Variants in DNAH6 observed in about 807,000 individuals in gnomAD.
The protein encoded by DNAH6 is dynein axonemal heavy chain 6.
A neutral mutation model predicts 491.4 loss-of-function variants in DNAH6; 340 were observed. The ratio of observed to expected loss-of-function variants is 0.69; its 90% CI spans 0.63 to 0.76. The LOEUF is 0.76. Among genes scored for constraint, DNAH6 ranks in the 30% least tolerant of loss-of-function variants. The probability of loss-of-function intolerance (pLI) is 0.00; values close to 1 mark genes in which losing one functional copy is unlikely to be tolerated. For missense variants in DNAH6, 4,443 were observed against 4,972.2 expected, an observed-to-expected ratio of 0.89 and a Z score of 3.20; for synonymous variants, 1,603 against 1,686.1, an observed-to-expected ratio of 0.95 and a Z score of 1.21.
intron 21 of DNAH6, among the ~76,000 whole-genome samples, chr2:84,609,880 C>T (rs973287112): frequency 8.5e-5 from 13 of 152,076 alleles, no homozygotes; most frequent in Admixed American, 5.9e-4. Flanking sequence ...ATAAATGAAG[C>T]ACAATAAAAC....
chr2:84,570,198 C>T (rs960287344), intron 11 of DNAH6, among the ~76,000 whole-genome samples: 4 of 152,090 alleles, frequency 2.6e-5, no homozygotes, highest in Non-Finnish European at 5.9e-5. Context: ...ACAATGGAGA[C>T]ATGTAAAAAA....
intron 72 of DNAH6, among the ~76,000 whole-genome samples, chr2:84,811,792 A>G (rs1414204288): frequency 6.7e-6 from 1 of 149,746 alleles, no homozygotes; most frequent in African/African-American, 2.5e-5. Context: ...ACCCAGGAGG[A>G]GGAGGTTGCA....
chr2:84,725,735 T>C (rs1698564892), intron 60 of DNAH6, among the ~76,000 whole-genome samples: 2 of 152,290 alleles, frequency 1.3e-5, no homozygotes, highest in South Asian at 4.1e-4. Context: ...CAAAACATAT[T>C]TGTAGGTGAC....
intron 61 of DNAH6, among the ~76,000 whole-genome samples, chr2:84,733,020 A>T (rs1213736815): frequency 2.6e-5 from 4 of 152,208 alleles, no homozygotes; most frequent in Non-Finnish European, 4.4e-5. Context: ...TAAGGTTGCC[A>T]TTTGTCTTGC....
Position 84,676,912 on chromosome 2 carries a change from G to A in DNAH6, c.6613-93G>A, listed in dbSNP as rs964702269. 3 of 1,393,096 alleles carry A rather than the reference G, an allele frequency of 2.2e-6. No homozygotes were observed. The African/African-American group carries it at 4.3e-5, about 20-fold the overall frequency. 86.3% of individuals were successfully genotyped at this position (1,393,096 alleles called of 1,614,324 possible). A position where few individuals can be genotyped will look rare whatever the true frequency, so the allele number is the denominator to read the frequency against. ...TAACATGCACAAAAAAAAATGTAAT[G>A]CAATGCTGGCATTTGGGAAGTCCTA... On this transcript the variant is annotated intron_variant, in intron 40 of 76. Coordinates refer to ENST00000389394, the MANE Select transcript of DNAH6 (RefSeq NM_001370.2).
intron 18 of DNAH6, among the ~76,000 whole-genome samples, chr2:84,596,824 T>A (rs1039383021): frequency 6.6e-6 from 1 of 152,214 alleles, no homozygotes; most frequent in African/African-American, 2.4e-5. Flanking sequence ...TTAGGTCAGC[T>A]TCTTTCTTTA....
Position 84,781,738 on chromosome 2 carries a change from T to C in DNAH6, c.10864+85T>C, listed in dbSNP as rs2105224800. The C allele has an allele frequency of 1.4e-6, 2 of 1,391,940 alleles. 1 individual carries two copies. Among genetic ancestry groups the C allele is most frequent in the East Asian group, 5.0e-5 (2 of 39,716 alleles). 86.2% of individuals were successfully genotyped at this position (1,391,940 alleles called of 1,614,324 possible). ...GAATTCATTCCTTATAGTAATTCAT[T>C]ATTGTAGGCACTGTGTTTCCATATA... On this transcript the variant is annotated intron_variant, in intron 65 of 76. Transcript: ENST00000389394.
At chr2:84,522,717 G>A (rs1158970984) in intron 2 of DNAH6, among the ~76,000 whole-genome samples, 1 of 152,138 alleles carries the variant, frequency 6.6e-6, no homozygotes, top group Middle Eastern at 3.2e-3. Context: ...GATCTGGTGA[G>A]ATAATCATGT....
At chr2:84,611,180 T>C (rs1487641008) in intron 21 of DNAH6, among the ~76,000 whole-genome samples, 4 of 115,840 alleles carry the variant, frequency 3.5e-5, no homozygotes, top group Non-Finnish European at 5.1e-5. Context: ...ATGATTTTCT[T>C]CTTCCAGTCT....
intron 13 of DNAH6, 25 bp downstream of exon 13, chr2:84,577,433 T>A (rs1682569144): frequency 1.4e-6 from 2 of 1,478,786 alleles, no homozygotes; most frequent in Admixed American, 2.2e-5. Flanking sequence ...GAAAAAAAAA[T>A]AATTATTCCT....
At chr2:84,686,230 T>C (rs1431586458) in intron 43 of DNAH6, among the ~76,000 whole-genome samples, 1 of 152,196 alleles carries the variant, frequency 6.6e-6, no homozygotes, top group Non-Finnish European at 1.5e-5. Context: ...TACTTCTTAT[T>C]TCTTAAATAA....
intron 15 of DNAH6, 94 bp from the exon 16 acceptor site, chr2:84,588,732 G>T: frequency 8.8e-7 from 1 of 1,133,302 alleles, no homozygotes; most frequent in South Asian, 2.1e-5. Flanking sequence ...AAAGAGAAAG[G>T]AATCTTTTTA....
At chr2:84,753,522 C>A (rs1013220840) in intron 63 of DNAH6, among the ~76,000 whole-genome samples, 2 of 151,808 alleles carry the variant, frequency 1.3e-5, no homozygotes, top group African/African-American at 4.8e-5. Context: ...CTTTGGGAGG[C>A]CAAGGCAGGC....
chr2:84,621,099 T>G, intron 24 of DNAH6, 92 bp from the exon 25 acceptor site: 1 of 1,325,340 alleles, frequency 7.5e-7, no homozygotes. Flanking sequence ...TCAGCGTTTA[T>G]GTAGCTTAGG....
chr2:84,681,331 C>G, intron 41 of DNAH6, 26 bp from the exon 42 acceptor site: 1 of 1,472,216 alleles, frequency 6.8e-7, no homozygotes, highest in Non-Finnish European at 9.1e-7. Context: ...AAATCTAATC[C>G]TCTCATATTA....
chr2:84,608,221 C>A (rs1185056709), intron 21 of DNAH6, among the ~76,000 whole-genome samples: 2 of 43,336 alleles, frequency 4.6e-5, no homozygotes, highest in East Asian at 2.1e-3. Context: ...ATTTCCTCCA[C>A]TGAAGTCTTG....
intron 4 of DNAH6, among the ~76,000 whole-genome samples, chr2:84,534,566 A>G (rs377515402): frequency 6.6e-6 from 1 of 151,784 alleles, no homozygotes; most frequent in African/African-American, 2.4e-5. Context: ...ACACAAAGAA[A>G]TCCTTGTTCA....
intron 63 of DNAH6, among the ~76,000 whole-genome samples, chr2:84,752,580 C>T (rs1573701833): frequency 6.6e-6 from 1 of 151,988 alleles, no homozygotes; most frequent in African/African-American, 2.4e-5. Flanking sequence ...AATAACCCCC[C>T]GAAAAAACGC....
chr2:84,740,563 C>T (rs946362211), intron 62 of DNAH6, among the ~76,000 whole-genome samples: 2 of 152,122 alleles, frequency 1.3e-5, no homozygotes, highest in African/African-American at 2.4e-5. Flanking sequence ...TTCTTTTATC[C>T]AAGGGGGTCT....
Sources: gnomAD v4.1 joint callset for allele counts (sites outside exome capture counted in the v4.1 genomes callset) on GRCh38, gnomAD v4.1.1 for gene constraint, MANE v1.5 for transcripts, NCBI Gene and HGNC (gene_info 2026-07-23, HGNC 2026-07-21) for gene names.